The following DYM variants were observed in gnomAD, a reference collection of about 807,000 sequenced individuals.
The protein encoded by DYM is dymeclin.
In DYM, 78 loss-of-function variants were observed where a neutral mutation model predicts 93.1. The observed-to-expected ratio is 0.84, with a 90% CI of 0.70 to 1.01. DYM has a LOEUF of 1.01. DYM is among the 50% of genes least tolerant of loss of function. DYM has a pLI of 0.00. For missense variants in DYM, 789 were observed against 845.0 expected, an observed-to-expected ratio of 0.93 and a Z score of 0.82; for synonymous variants, 321 against 319.7, an observed-to-expected ratio of 1.00 and a Z score of -0.04.
intron 11 of DYM, among the ~76,000 whole-genome samples, chr18:49,268,457 G>A (rs1256267274): frequency 2.0e-5 from 3 of 152,174 alleles, no homozygotes; most frequent in Non-Finnish European, 2.9e-5. Context: ...GGCAGTCAGC[G>A]AAGTTTAATT....
chr18:49,423,134 A>T (rs1385422798), intron 2 of DYM, among the ~76,000 whole-genome samples: 1 of 152,240 alleles, frequency 6.6e-6, no homozygotes, highest in Non-Finnish European at 1.5e-5. Context: ...AATTGATCAC[A>T]TAGTTGGAAG....
At chr18:49,276,522 A>G (rs924291492) in intron 10 of DYM, among the ~76,000 whole-genome samples, 1 of 152,180 alleles carries the variant, frequency 6.6e-6, no homozygotes, top group Admixed American at 6.6e-5. Context: ...ATCTGAGAAG[A>G]GGAAAAAGGA....
intron 17 of DYM, among the ~76,000 whole-genome samples, chr18:49,054,417 AT>A (rs2075296993): frequency 6.6e-6 from 1 of 152,000 alleles, no homozygotes; most frequent in Non-Finnish European, 1.5e-5. Context: ...AATTTGTTGT[AT>A]TTTTAGTAGA....
intron 16 of DYM, among the ~76,000 whole-genome samples, chr18:49,102,410 GATA>G (rs2080260307): frequency 6.6e-6 from 1 of 151,916 alleles, no homozygotes; most frequent in African/African-American, 2.4e-5. Flanking sequence ...AGATTTTCCA[GATA>G]TCTTATTTCT....
intron 5 of DYM, among the ~76,000 whole-genome samples, chr18:49,364,872 C>G (rs1374397685): frequency 1.3e-5 from 2 of 152,210 alleles, no homozygotes; most frequent in Non-Finnish European, 2.9e-5. Context: ...GAACCATCCT[C>G]AGTTTCATAT....
intron 16 of DYM, among the ~76,000 whole-genome samples, chr18:49,105,045 T>C (rs2080638024): frequency 6.6e-6 from 1 of 152,166 alleles, no homozygotes; most frequent in African/African-American, 2.4e-5. Context: ...GTCCTGGACT[T>C]TTTTTGGTTG....
At chr18:49,303,183 C>T (rs771961729) in intron 8 of DYM, among the ~76,000 whole-genome samples, 35 of 152,330 alleles carry the variant, frequency 2.3e-4, no homozygotes, top group Middle Eastern at 6.8e-3. Flanking sequence ...CTTGGTATCA[C>T]ATCTGCATTT....
chr18:49,271,677 A>AT (rs200931172), intron 11 of DYM, among the ~76,000 whole-genome samples: 3 of 142,342 alleles, frequency 2.1e-5, no homozygotes, highest in Admixed American at 1.4e-4. Flanking sequence ...GATGCAAAAA[A>AT]TAAAATAAAA....
chr18:49,046,377 C>T (rs958362147), intron 17 of DYM, among the ~76,000 whole-genome samples: 16 of 144,884 alleles, frequency 1.1e-4, no homozygotes, highest in African/African-American at 3.9e-4. Flanking sequence ...CACAGACATG[C>T]ACACACACAC....
chr18:49,160,141 A>G (rs1337208665), intron 15 of DYM, among the ~76,000 whole-genome samples: 1 of 152,122 alleles, frequency 6.6e-6, no homozygotes, highest in Non-Finnish European at 1.5e-5. Context: ...AGTCAATGGA[A>G]CTTTATTTGC....
At chr18:49,261,458 G>A (rs918317014) in intron 11 of DYM, among the ~76,000 whole-genome samples, 1 of 152,212 alleles carries the variant, frequency 6.6e-6, no homozygotes, top group African/African-American at 2.4e-5. Context: ...ATCACCTGAG[G>A]TCAGGAGTTT....
At chr18:49,114,775 G>A (rs1484917309) in intron 16 of DYM, among the ~76,000 whole-genome samples, 2 of 151,942 alleles carry the variant, frequency 1.3e-5, no homozygotes, top group South Asian at 2.1e-4. Context: ...GTACCACCAC[G>A]CCTGGCTCTC....
chr18:49,060,799 G>C (rs1378278413), intron 17 of DYM, among the ~76,000 whole-genome samples: 1 of 151,616 alleles, frequency 6.6e-6, no homozygotes, highest in Non-Finnish European at 1.5e-5. Flanking sequence ...GAGGGAGAGA[G>C]AGAGAGACCG....
intron 17 of DYM, among the ~76,000 whole-genome samples, chr18:49,085,236 A>G (rs1412240887): frequency 6.6e-6 from 1 of 152,228 alleles, no homozygotes; most frequent in East Asian, 1.9e-4. Context: ...GTGAGCAACA[A>G]TATAATTTAA....
intron 15 of DYM, among the ~76,000 whole-genome samples, chr18:49,136,642 G>A (rs1381576176): frequency 2.6e-5 from 4 of 152,274 alleles, no homozygotes; most frequent in Non-Finnish European, 5.9e-5. Flanking sequence ...GGGAAGAAGT[G>A]TGTAGAAACA....
chr18:49,113,318 A>T (rs1428665725), intron 16 of DYM, among the ~76,000 whole-genome samples: 1 of 152,130 alleles, frequency 6.6e-6, no homozygotes, highest in Non-Finnish European at 1.5e-5. Flanking sequence ...GTAACCAGAC[A>T]ATTTATTTTA....
chr18:49,076,716 A>C (rs1212637123), intron 17 of DYM, among the ~76,000 whole-genome samples: 1 of 152,210 alleles, frequency 6.6e-6, no homozygotes, highest in South Asian at 2.1e-4. Flanking sequence ...GTCAGCCCTG[A>C]TCACTTTTTA....
intron 2 of DYM, among the ~76,000 whole-genome samples, chr18:49,413,951 A>G (rs910937108): frequency 6.6e-6 from 1 of 152,014 alleles, no homozygotes; most frequent in Non-Finnish European, 1.5e-5. Context: ...CGGAGGTTAC[A>G]TTGAGCCAAA....
chr18:49,157,453 C>A (rs1020556547), intron 15 of DYM, among the ~76,000 whole-genome samples: 1 of 152,152 alleles, frequency 6.6e-6, no homozygotes, highest in African/African-American at 2.4e-5. Context: ...CTCAAAAGAA[C>A]CCCAGGTGTT....
Sources: gnomAD v4.1 joint callset for allele counts (sites outside exome capture counted in the v4.1 genomes callset) on GRCh38, gnomAD v4.1.1 for gene constraint, MANE v1.5 for transcripts, NCBI Gene and HGNC (gene_info 2026-07-23, HGNC 2026-07-21) for gene names.